CCDC150: variants seen among roughly 807,000 people sequenced by gnomAD.
CCDC150 encodes the protein coiled-coil domain-containing protein 150.
Under a neutral mutation model 156.5 loss-of-function variants are expected in CCDC150, and 151 were observed. The observed-to-expected ratio is 0.97, with a 90% confidence interval of 0.85 to 1.10. The LOEUF (loss-of-function observed/expected upper bound fraction) is 1.10, where lower values mean the gene tolerates loss of function less well. CCDC150 is among the 50% of genes least tolerant of loss of function. CCDC150 has a pLI of 0.00. For missense variants in CCDC150, 1,312 were observed against 1,268.1 expected (o/e 1.03, Z -0.53); for synonymous variants, 452 against 429.4 (o/e 1.05, Z -0.65).
chr2:196,717,762 C>T (rs969773181), intron 17 of CCDC150, among the ~76,000 whole-genome samples: 2 of 152,052 alleles, frequency 1.3e-5, no homozygotes, highest in Non-Finnish European at 2.9e-5. Flanking sequence ...TGATAGTGCA[C>T]ACCTGTAATT....
At chr2:196,721,346 G>C in intron 20 of CCDC150, among the ~76,000 whole-genome samples, 176 bp from the exon 21 acceptor site, 1 of 20,838 alleles carries the variant, frequency 4.8e-5, no homozygotes, top group Non-Finnish European at 9.5e-5. Context: ...ATTCATATAT[G>C]TGTGTGCATA....
intron 17 of CCDC150, among the ~76,000 whole-genome samples, chr2:196,718,123 T>G (rs1697650640): frequency 6.6e-6 from 1 of 152,252 alleles, no homozygotes; most frequent in Admixed American, 6.5e-5. Context: ...AATTTTCTTG[T>G]ATTTCTTTCT....
At position 196,669,819 on chromosome 2, in the gene CCDC150, A is replaced by C; in HGVS notation, c.893-14A>C. The C allele has an allele frequency of 6.3e-7, 1 of 1,577,038 alleles. No individual in the cohort carries two copies. ...GTTACTATTATCATAGTTATGTGGA[A>C]TTTTTGTTTTTAGCTTCTAGAGATG... On this transcript the variant is annotated splice_polypyrimidine_tract_variant and intron_variant, in intron 7 of 27. Coordinates refer to ENST00000389175, the MANE Select transcript of CCDC150 (RefSeq NM_001080539.2).
At chr2:196,669,378 A>G (rs1694059212) in intron 7 of CCDC150, among the ~76,000 whole-genome samples, 1 of 152,066 alleles carries the variant, frequency 6.6e-6, no homozygotes, top group Admixed American at 6.6e-5. Flanking sequence ...GTTTTACCCC[A>G]CCAGTAAGCC....
At chr2:196,693,071 CTTTGTCTTTT>C (rs1271416510) in intron 13 of CCDC150, among the ~76,000 whole-genome samples, 2 of 152,138 alleles carry the variant, frequency 1.3e-5, no homozygotes, top group African/African-American at 2.4e-5. Context: ...TAATGCCCTT[CTTTGTCTTTT>C]TTTGTCTTTA....
intron 19 of CCDC150, chr2:196,720,323 G>C (rs930386964): frequency 2.0e-5 from 9 of 442,336 alleles, no homozygotes; most frequent in Non-Finnish European, 3.8e-5. Context: ...TTTTTAAAAG[G>C]TCAAGGGAAT....
intron 18 of CCDC150, 95 bp from the exon 19 acceptor site, chr2:196,719,402 G>T: frequency 1.0e-6 from 1 of 983,390 alleles, no homozygotes. Flanking sequence ...CTGCTTGTCT[G>T]CTTTCCATGC....
chr2:196,656,887 T>C (rs1195045932), intron 3 of CCDC150, 34 bp downstream of exon 3: 1 of 1,610,696 alleles, frequency 6.2e-7, no homozygotes, highest in Non-Finnish European at 8.5e-7. Flanking sequence ...AATGTGGTCC[T>C]GTATAGGTGC....
At chr2:196,692,936 A>G (rs761857715) in intron 13 of CCDC150, among the ~76,000 whole-genome samples, 22 of 152,012 alleles carry the variant, frequency 1.4e-4, no homozygotes, top group Non-Finnish European at 2.6e-4. Context: ...TCCCACTGTT[A>G]TTGTGTGGGA....
intron 5 of CCDC150, among the ~76,000 whole-genome samples, chr2:196,659,571 T>C (rs748958819): frequency 6.6e-6 from 1 of 152,222 alleles, no homozygotes; most frequent in Non-Finnish European, 1.5e-5. Context: ...CATAGGTATT[T>C]GGAAAATTGT....
At chr2:196,690,952 A>G (rs532870103) in intron 13 of CCDC150, among the ~76,000 whole-genome samples, 124 of 152,274 alleles carry the variant, frequency 8.1e-4, no homozygotes, top group Non-Finnish European at 1.3e-3. Context: ...TTCTGCATCT[A>G]TTGAGATAAT....
At chr2:196,658,655 CAAG>C (rs1693369479) in intron 4 of CCDC150, 134 bp from the exon 5 acceptor site, 3 of 582,710 alleles carry the variant, frequency 5.1e-6, no homozygotes, top group Non-Finnish European at 9.0e-6. Context: ...AGACTTATAA[CAAG>C]GAGTATTTAT....
At chr2:196,703,690 A>C (rs1696395690) in intron 15 of CCDC150, among the ~76,000 whole-genome samples, 1 of 152,198 alleles carries the variant, frequency 6.6e-6, no homozygotes, top group South Asian at 2.1e-4. Flanking sequence ...GAAATATATA[A>C]GACAAATCCC....
chr2:196,641,706 G>A (rs1250626239), intron 1 of CCDC150, among the ~76,000 whole-genome samples: 2 of 151,604 alleles, frequency 1.3e-5, no homozygotes, highest in African/African-American at 4.9e-5. Flanking sequence ...CTATAACAGT[G>A]TGTGGCTCAT....
At chr2:196,671,286 T>TG (rs1370362769) in intron 8 of CCDC150, among the ~76,000 whole-genome samples, 1 of 152,192 alleles carries the variant, frequency 6.6e-6, no homozygotes, top group Admixed American at 6.5e-5. Flanking sequence ...TCCATAGATT[T>TG]GCCTTTTCCA....
intron 23 of CCDC150, 144 bp from the exon 24 acceptor site, chr2:196,729,649 A>G: frequency 1.4e-6 from 1 of 689,882 alleles, no homozygotes; most frequent in Non-Finnish European, 2.5e-6. Flanking sequence ...TTTTGGGATC[A>G]GTGGGCTAGA....
intron 22 of CCDC150, chr2:196,727,335 G>A (rs1698265484): frequency 6.6e-6 from 1 of 152,096 alleles, no homozygotes; most frequent in South Asian, 2.1e-4. Flanking sequence ...GAACCCGGGA[G>A]GCAGAGCTTG....
chr2:196,664,923 A>C (rs762782742), intron 5 of CCDC150, among the ~76,000 whole-genome samples: 2 of 152,186 alleles, frequency 1.3e-5, no homozygotes, highest in Non-Finnish European at 2.9e-5. Flanking sequence ...AAATTCTTTG[A>C]GTGTCGGTTT....
intron 15 of CCDC150, among the ~76,000 whole-genome samples, chr2:196,711,128 C>G (rs970339183): frequency 1.3e-5 from 2 of 152,138 alleles, no homozygotes; most frequent in African/African-American, 4.8e-5. Context: ...CAGTTAATTT[C>G]TTGTTGAACT....
Sources: allele counts gnomAD v4.1 joint callset (sites outside exome capture counted in the v4.1 genomes callset), GRCh38; gene constraint gnomAD v4.1.1; transcripts MANE v1.5; gene names NCBI Gene and HGNC (gene_info 2026-07-23, HGNC 2026-07-21).